PI4K2B: variants seen among roughly 807,000 people sequenced by gnomAD.
PI4K2B encodes the protein phosphatidylinositol 4-kinase type 2-beta.
Under a neutral mutation model 56.6 loss-of-function variants are expected in PI4K2B, and 46 were observed. That is an observed-to-expected ratio of 0.81 (90% CI 0.64 to 1.04). The LOEUF is 1.04. PI4K2B is among the 50% of genes least tolerant of loss of function. The pLI is 0.00. For missense variants in PI4K2B, 556 were observed against 607.7 expected, an observed-to-expected ratio of 0.91 and a Z score of 0.89; for synonymous variants, 211 against 223.8, an observed-to-expected ratio of 0.94 and a Z score of 0.51.
Position 25,277,013 on chromosome 4 carries a change from G to C in PI4K2B, c.1273-1G>C. Reference sequence around the variant, plus strand: ...GGTAAAAATCTCTCTTCTTCCCACAGATCTTAAACCTTACTCAGGCATTGA... The same window carrying C: ...GGTAAAAATCTCTCTTCTTCCCACACATCTTAAACCTTACTCAGGCATTGA... On this transcript the variant is annotated splice_acceptor_variant, in intron 9 of 9. Coordinates refer to ENST00000264864, the MANE Select transcript of PI4K2B (RefSeq NM_018323.4). LOFTEE classifies it high-confidence loss of function. 1 of 1,555,572 alleles carries C rather than the reference G, an allele frequency of 6.4e-7. No individual in the cohort carries two copies. The highest frequency in any genetic ancestry group is 8.8e-7 in the Non-Finnish European group (1 of 1,140,306).
rs763611677 is a variant in PI4K2B, at chr4:25,259,156, ATTAG to A, written c.880_883del (p.Val294PhefsTer17). ...AACAATTTCAGTCACAATTTGAAAG[ATTAG>A]TTATTTTGGATTACATCATCAGAAA... On this transcript the variant is annotated frameshift_variant, in exon 5 of 10. Coordinates refer to ENST00000264864, the MANE Select transcript of PI4K2B (RefSeq NM_018323.4). LOFTEE classifies it high-confidence loss of function. The A allele has an allele frequency of 7.6e-6, 12 of 1,578,790 alleles. 1 individual carries two copies. In the South Asian group the frequency reaches 1.3e-4, roughly 18 times the overall value.
intron 1 of PI4K2B, among the ~76,000 whole-genome samples, chr4:25,242,887 C>T (rs1715586815): frequency 6.6e-6 from 1 of 152,290 alleles, no homozygotes; most frequent in South Asian, 2.1e-4. Flanking sequence ...TAACTTGTTC[C>T]CTATATTCAT....
intron 1 of PI4K2B, among the ~76,000 whole-genome samples, chr4:25,236,152 C>A (rs1715250874): frequency 6.6e-6 from 1 of 151,526 alleles, no homozygotes; most frequent in Non-Finnish European, 1.5e-5. Context: ...ATATTTTATT[C>A]TCCACTGCAC....
chr4:25,255,559 C>G (rs1716233633), intron 3 of PI4K2B, among the ~76,000 whole-genome samples: 1 of 152,238 alleles, frequency 6.6e-6, no homozygotes, highest in Non-Finnish European at 1.5e-5. Flanking sequence ...CTATTGAAGG[C>G]AGAGATAACC....
In PI4K2B at chr4:25,256,535, G is replaced by A; in HGVS notation, c.625-8G>A. On this transcript the variant is annotated splice_region_variant and splice_polypyrimidine_tract_variant and intron_variant, in intron 3 of 9. Coordinates refer to ENST00000264864, the MANE Select transcript of PI4K2B (RefSeq NM_018323.4). ...TTCTAACCATTTTTCTGAATTGTATGTTTCTAGGTGGTTTGGCTTGTCAGT... is the reference window on the plus strand; with the variant it reads ...TTCTAACCATTTTTCTGAATTGTATATTTCTAGGTGGTTTGGCTTGTCAGT... The A allele has an allele frequency of 6.2e-7, 1 of 1,608,930 alleles. No homozygotes were observed. Among genetic ancestry groups the A allele is most frequent in the Non-Finnish European group, 8.5e-7 (1 of 1,178,246 alleles).
At chr4:25,267,738 A>G (rs1716718541) in intron 7 of PI4K2B, 1 of 971,968 alleles carries the variant, frequency 1.0e-6, no homozygotes, top group South Asian at 4.8e-5. Flanking sequence ...GTCCTGGCGT[A>G]GTTTAGATTT....
At chr4:25,263,592 C>T (rs896927391) in intron 6 of PI4K2B, among the ~76,000 whole-genome samples, 158 bp from the exon 7 acceptor site, 1 of 151,918 alleles carries the variant, frequency 6.6e-6, no homozygotes, top group Admixed American at 6.6e-5. Flanking sequence ...CAGTCTCTTC[C>T]ATTCCTGTGT....
chr4:25,236,824 C>T (rs1378561059), intron 1 of PI4K2B, among the ~76,000 whole-genome samples: 1 of 152,072 alleles, frequency 6.6e-6, no homozygotes, highest in African/African-American at 2.4e-5. Context: ...AGGTTTTTAC[C>T]TTTAATAGGA....
intron 1 of PI4K2B, among the ~76,000 whole-genome samples, chr4:25,243,263 G>A (rs1715608498): frequency 6.6e-6 from 1 of 152,182 alleles, no homozygotes; most frequent in African/African-American, 2.4e-5. Context: ...TCTGACCCAG[G>A]GAACCTTCGT....
intron 1 of PI4K2B, among the ~76,000 whole-genome samples, chr4:25,246,115 A>G (rs554166953): frequency 4.4e-4 from 67 of 152,124 alleles, no homozygotes; most frequent in African/African-American, 1.6e-3. Flanking sequence ...CTTCGCGGTG[A>G]GTGTTACAGC....
At chr4:25,237,059 A>T (rs1163532231) in intron 1 of PI4K2B, among the ~76,000 whole-genome samples, 1 of 152,224 alleles carries the variant, frequency 6.6e-6, no homozygotes, top group Non-Finnish European at 1.5e-5. Context: ...TCTTACTTAT[A>T]TAAGCAAGAG....
At position 25,234,667 on chromosome 4, in the gene PI4K2B, T is replaced by G. The variant is rs1036944075; in HGVS notation, c.268+236T>G. On this transcript the variant is annotated intron_variant, in intron 1 of 9. Coordinates refer to ENST00000264864, the MANE Select transcript of PI4K2B (RefSeq NM_018323.4). ...GGCCAGTGGTTGTCATTAAACCGAT[T>G]CTTTAGACCTCCCCGCAAAGTGAGT... Among the ~76,000 whole-genome samples the G allele has an allele frequency of 2.0e-5, 3 of 152,332 alleles. No individual in the cohort carries two copies. The East Asian group carries it at 5.8e-4, about 29-fold the overall frequency.
chr4:25,252,304 ATTTC>A lies in PI4K2B; in HGVS notation c.269-14_269-11del, dbSNP rs767813708. On this transcript the variant is annotated splice_polypyrimidine_tract_variant and intron_variant, in intron 1 of 9. Coordinates refer to ENST00000264864, the MANE Select transcript of PI4K2B (RefSeq NM_018323.4). ...TATCATGAGCATTCTCATAGCTGGT[ATTTC>A]TTCTTAATGCAGTAACTATTGGTAC... 6.3e-7 allele frequency: 1 copy of A among 1,594,110 alleles called. No homozygotes were observed. Among genetic ancestry groups the A allele is most frequent in the South Asian group, 1.1e-5 (1 of 90,446 alleles).
intron 1 of PI4K2B, among the ~76,000 whole-genome samples, chr4:25,249,079 T>C (rs962970316): frequency 2.0e-5 from 3 of 152,222 alleles, no homozygotes; most frequent in African/African-American, 4.8e-5. Context: ...CCTTAATCCA[T>C]TTAACCCTTA....
intron 1 of PI4K2B, among the ~76,000 whole-genome samples, chr4:25,248,956 G>A (rs888443832): frequency 6.6e-6 from 1 of 152,044 alleles, no homozygotes; most frequent in African/African-American, 2.4e-5. Flanking sequence ...AGAGGGCCCT[G>A]CCGCCTTCCG....
chr4:25,255,815 C>T (rs1372049455), intron 3 of PI4K2B, among the ~76,000 whole-genome samples: 2 of 151,316 alleles, frequency 1.3e-5, no homozygotes, highest in Non-Finnish European at 2.9e-5. Flanking sequence ...TCCTGCTGGG[C>T]TCAGGTGCAG....
At chr4:25,265,088 G>A (rs71610848) in intron 7 of PI4K2B, among the ~76,000 whole-genome samples, 5,588 of 150,586 alleles carry the variant, frequency 0.037, 254 homozygotes, top group East Asian at 0.16. Context: ...CCAGCTACTC[G>A]GGAGGCCGAG....
chr4:25,234,348 A>T lies in PI4K2B; in HGVS notation c.185A>T (p.Glu62Val). The T allele has an allele frequency of 7.1e-7, 1 of 1,409,638 alleles. No individual in the cohort carries two copies. Among genetic ancestry groups the T allele is most frequent in the South Asian group, 1.5e-5 (1 of 68,756 alleles). 87.3% of individuals were successfully genotyped at this position (1,409,638 alleles called of 1,614,324 possible). The change falls in exon 1 of 10, where the codon GAG becomes GTG. Residue 62 changes from glutamate to valine, a missense_variant. By Grantham distance (121) the Glu-to-Val change is moderately radical. Coordinates refer to ENST00000264864, the MANE Select transcript of PI4K2B (RefSeq NM_018323.4). The stretch of plus-strand genomic sequence containing the variant: ...GGGGAGGAGGGCGAGGCCGGCGACG[A>T]GGAGCTGCCCCTCCCGCCCGGGGAC... ...AAGEEGEAGD[E>V]ELPLPPGDVG...
chr4:25,264,626 C>G (rs1260723247), intron 7 of PI4K2B, among the ~76,000 whole-genome samples: 1 of 152,140 alleles, frequency 6.6e-6, no homozygotes, highest in East Asian at 1.9e-4. Flanking sequence ...AATCCCAGCA[C>G]TTTGGGGGCT....
Sources: gnomAD v4.1 joint callset for allele counts (sites outside exome capture counted in the v4.1 genomes callset) on GRCh38, gnomAD v4.1.1 for gene constraint, MANE v1.5 for transcripts, NCBI Gene and HGNC (gene_info 2026-07-23, HGNC 2026-07-21) for gene names.